Variants in TYRO3 observed in about 807,000 individuals in gnomAD.
The protein encoded by TYRO3 is tyrosine-protein kinase receptor TYRO3.
Under a neutral mutation model 95.2 loss-of-function variants are expected in TYRO3, and 38 were observed. The observed-to-expected ratio is 0.40, with a 90% CI of 0.31 to 0.52. TYRO3 has a LOEUF of 0.52. Ranked by LOEUF, TYRO3 falls within the 20% of genes least tolerant of loss-of-function variation. The probability of loss-of-function intolerance (pLI) is 0.56; values close to 1 mark genes in which losing one functional copy is unlikely to be tolerated. For missense variants in TYRO3, 812 were observed against 1,116.4 expected, an observed-to-expected ratio of 0.73 and a Z score of 3.89; for synonymous variants, 367 against 432.9, an observed-to-expected ratio of 0.85 and a Z score of 1.89.
In TYRO3 at chr15:41,568,942, T is replaced by C. The variant is rs1374575253; in HGVS notation, c.1172T>C (p.Ile391Thr). The part of the protein sequence containing the change: ...LTGWDPQKDL[I>T]VRVCVSNAVG... ...GGCTGGGATCCCCAAAAGGACCTGA[T>C]CGTACGTGTGTGCGTCTCCAATGCA... The change falls in exon 9 of 19, where the codon ATC becomes ACC. Residue 391 changes from isoleucine (I) to threonine (T), a missense_variant. Ile to Thr is a moderately conservative substitution (Grantham distance 89, BLOSUM62 -1). Transcript: ENST00000263798. 6.2e-7 allele frequency: 1 copy of C among 1,613,828 alleles called. No homozygotes were observed. The highest frequency in any genetic ancestry group is 8.5e-7 in the Non-Finnish European group (1 of 1,180,028).
chr15:41,561,296 G>T lies in TYRO3; in HGVS notation c.294G>T (p.Trp98Cys). 1 of 1,612,512 alleles carries T rather than the reference G, an allele frequency of 6.2e-7. No individual in the cohort carries two copies. Among genetic ancestry groups the T allele is most frequent in the Non-Finnish European group, 8.5e-7 (1 of 1,178,884 alleles). The change falls in exon 2 of 19, where the codon TGG becomes TGT. Residue 98 changes from tryptophan (W) to cysteine (C), a missense_variant. Transcript: ENST00000263798. ...ACATCCCAGTCAGCGAGCAGCACTGGATCGGCTTCCTCAGGTGCAGGCCTG... is the reference window on the plus strand; with the variant it reads ...ACATCCCAGTCAGCGAGCAGCACTGTATCGGCTTCCTCAGGTGCAGGCCTG... ...QLYIPVSEQHWIGFLSLKSVE... is the reference protein window; with the variant it reads ...QLYIPVSEQHCIGFLSLKSVE...
intron 17 of TYRO3, 98 bp from the exon 18 acceptor site, chr15:41,573,581 C>T: frequency 7.1e-7 from 1 of 1,412,298 alleles, no homozygotes; most frequent in Non-Finnish European, 9.6e-7. Context: ...CCTGATGAGG[C>T]CCTGAGCCCC....
In TYRO3 at chr15:41,561,236, G is replaced by A. The variant is rs1328323766; in HGVS notation, c.234G>A (p.Lys78=). 11 of 1,614,244 alleles carry A rather than the reference G, an allele frequency of 6.8e-6. No individual in the cohort carries two copies. Among genetic ancestry groups the A allele is most frequent in the Non-Finnish European group, 8.5e-6 (10 of 1,180,046 alleles). Reference sequence around the variant, plus strand: ...AGGAGCCTGACATCCAGTGGGTGAAGGATGGGGCTGTGGTCCAGAACTTGG... The same window carrying A: ...AGGAGCCTGACATCCAGTGGGTGAAAGATGGGGCTGTGGTCCAGAACTTGG... The part of the protein sequence containing the change: ...GMEEPDIQWV[K]DGAVVQNLDQ... The change falls in exon 2 of 19, where the codon AAG becomes AAA. Residue 78 remains lysine, a synonymous_variant. Transcript: ENST00000263798.
intron 7 of TYRO3, 70 bp from the exon 8 acceptor site, chr15:41,568,147 C>T: frequency 6.3e-7 from 1 of 1,593,284 alleles, no homozygotes; most frequent in African/African-American, 1.3e-5. Context: ...GAGTTGATTC[C>T]AAAGGTCTGC....
intron 1 of TYRO3, among the ~76,000 whole-genome samples, chr15:41,560,393 A>ATGTGTGCGTG (rs1555395687): frequency 1.7e-5 from 2 of 120,448 alleles, no homozygotes; most frequent in Non-Finnish European, 3.5e-5. Flanking sequence ...AGGTGCGTGT[A>ATGTGTGCGTG]TGTGTGTGTG....
chr15:41,578,623 T>G lies in TYRO3; in HGVS notation c.*347T>G. On this transcript the variant is annotated 3_prime_UTR_variant, in exon 19 of 19. Coordinates refer to ENST00000263798, the MANE Select transcript of TYRO3 (RefSeq NM_006293.4). Reference sequence around the variant, plus strand: ...AGGGCAGGTCCAGCTCTGTGGGCCCTACCCTCCTGCTGAGCTGCCCCTGCT... The same window carrying G: ...AGGGCAGGTCCAGCTCTGTGGGCCCGACCCTCCTGCTGAGCTGCCCCTGCT... 2.8e-6 allele frequency: 1 copy of G among 357,396 alleles called. No individual in the cohort carries two copies. Among genetic ancestry groups the G allele is most frequent in the Non-Finnish European group, 5.1e-6 (1 of 196,894 alleles). The allele number at this position is 357,396 out of a possible 1,614,324, so 22.1% of individuals were successfully genotyped here.
At chr15:41,561,725 A>C in intron 3 of TYRO3, 86 bp downstream of exon 3, 1 of 1,057,076 alleles carries the variant, frequency 9.5e-7, no homozygotes, top group Non-Finnish European at 1.4e-6. Context: ...AGAACTCAGT[A>C]GAAGCTGGGC....
intron 2 of TYRO3, 92 bp from the exon 3 acceptor site, chr15:41,561,447 C>G: frequency 7.3e-7 from 1 of 1,366,076 alleles, no homozygotes; most frequent in Non-Finnish European, 9.9e-7. Flanking sequence ...GTGGGACCTT[C>G]CAGAAGTGGG....
At chr15:41,560,029 C>T (rs933674110) in intron 1 of TYRO3, among the ~76,000 whole-genome samples, 3 of 152,218 alleles carry the variant, frequency 2.0e-5, no homozygotes, top group African/African-American at 4.8e-5. Flanking sequence ...CAAGTTCCCA[C>T]CCCGCACCTC....
chr15:41,562,686 C>T lies in TYRO3; in HGVS notation c.548C>T (p.Pro183Leu). Reference protein sequence around the residue: ...WWRGTTKIGGPAPSPSVLNVT... With the variant: ...WWRGTTKIGGLAPSPSVLNVT... Reference sequence around the variant, plus strand: ...AGAGGAACTACGAAGATCGGGGGACCCGCTCCCTCTCCATCTGTTTTAAAT... The same window carrying T: ...AGAGGAACTACGAAGATCGGGGGACTCGCTCCCTCTCCATCTGTTTTAAAT... Residue 183 changes from proline to leucine, a missense_variant, in exon 4 of 19, where the codon CCC (proline) becomes CTC (leucine). Transcript: ENST00000263798. 1 of 1,613,900 alleles carries T rather than the reference C, an allele frequency of 6.2e-7. No homozygotes were observed. Among genetic ancestry groups the T allele is most frequent in the East Asian group, 2.2e-5 (1 of 44,872 alleles).
chr15:41,563,205 C>A (rs72739700), intron 4 of TYRO3, among the ~76,000 whole-genome samples: 45 of 152,192 alleles, frequency 3.0e-4, no homozygotes, highest in Non-Finnish European at 5.7e-4. Context: ...TGGCGCTTTC[C>A]GGGAAACCTC....
At chr15:41,570,981 A>G in intron 12 of TYRO3, 57 bp from the exon 13 acceptor site, 3 of 1,559,314 alleles carry the variant, frequency 1.9e-6, no homozygotes, top group Non-Finnish European at 2.6e-6. Context: ...CTTGGGAGGA[A>G]GGTTGGCAGG....
At chr15:41,564,989 T>G in intron 5 of TYRO3, 37 bp from the exon 6 acceptor site, 2 of 1,402,610 alleles carry the variant, frequency 1.4e-6, no homozygotes, top group Non-Finnish European at 1.0e-6. Context: ...TCTGCTCATA[T>G]CCCTACTGGG....
At chr15:41,577,842 G>A in intron 18 of TYRO3, 44 bp from the exon 19 acceptor site, 1 of 1,569,990 alleles carries the variant, frequency 6.4e-7, no homozygotes, top group Non-Finnish European at 8.6e-7. Flanking sequence ...CCCTGCTTTT[G>A]AGGGAAGGGC....
chr15:41,559,895 G>A (rs1328359914), intron 1 of TYRO3, among the ~76,000 whole-genome samples: 2 of 152,254 alleles, frequency 1.3e-5, no homozygotes, highest in East Asian at 3.9e-4. Context: ...CCTGAAAGCA[G>A]AACCTTGGAG....
intron 18 of TYRO3, chr15:41,577,678 G>A (rs1595507087): frequency 4.0e-6 from 2 of 496,382 alleles, no homozygotes; most frequent in Middle Eastern, 5.6e-4. Context: ...ATAGAGACAG[G>A]GTTTTGCCAT....
Position 41,578,327 on chromosome 15 carries a change from A to C in TYRO3, c.*51A>C. 6.2e-7 allele frequency: 1 copy of C among 1,607,736 alleles called. No homozygotes were observed. Among genetic ancestry groups the C allele is most frequent in the South Asian group, 1.1e-5 (1 of 89,990 alleles). On this transcript the variant is annotated 3_prime_UTR_variant, in exon 19 of 19. Transcript: ENST00000263798. The stretch of plus-strand genomic sequence containing the variant: ...ATTTGGCCGGCTCTGGTGGCCACTG[A>C]GCTGGCTGACTAAGCCCCGTCTGAC...
rs1390601648 is a variant in TYRO3, at chr15:41,565,017, C to T, written c.668-9C>T. 4.0e-6 allele frequency: 5 copies of T among 1,254,054 alleles called. No homozygotes were observed. The highest frequency in any genetic ancestry group is 1.4e-5 in the African/African-American group (1 of 71,304). The allele number at this position is 1,254,054 out of a possible 1,614,324, so 77.7% of individuals were successfully genotyped here. ...CTACTGGGCACTGATTCTGAGTCCC[C>T]GTCCACAGCACTGCCTGCAGCCCCC... is the stretch of plus-strand genomic sequence containing the variant. On this transcript the variant is annotated splice_polypyrimidine_tract_variant and intron_variant, in intron 5 of 18. Transcript: ENST00000263798.
intron 1 of TYRO3, among the ~76,000 whole-genome samples, chr15:41,560,466 A>G (rs886484478): frequency 2.0e-5 from 3 of 146,878 alleles, no homozygotes; most frequent in Non-Finnish European, 4.5e-5. Flanking sequence ...AGTTCCAAAG[A>G]GTGGCCCCTG....
Sources: gnomAD v4.1 joint callset for allele counts (sites outside exome capture counted in the v4.1 genomes callset) on GRCh38, gnomAD v4.1.1 for gene constraint, MANE v1.5 for transcripts, NCBI Gene and HGNC (gene_info 2026-07-23, HGNC 2026-07-21) for gene names.